Variants in CDC14A observed in about 807,000 individuals in gnomAD.
The protein encoded by CDC14A is dual specificity protein phosphatase CDC14A.
A neutral mutation model predicts 74.4 loss-of-function variants in CDC14A; 53 were observed. The observed-to-expected ratio is 0.71, with a 90% CI of 0.57 to 0.89. CDC14A has a LOEUF of 0.89. Ranked by LOEUF, CDC14A falls within the 40% of genes least tolerant of loss-of-function variation. CDC14A has a pLI of 0.00. For synonymous variants in CDC14A, 247 were observed against 258.4 expected, an observed-to-expected ratio of 0.96 and a Z score of 0.43; for missense variants, 646 against 713.7, an observed-to-expected ratio of 0.91 and a Z score of 1.08.
At chr1:100,387,744 C>T (rs1043298799) in intron 3 of CDC14A, among the ~76,000 whole-genome samples, 2 of 152,100 alleles carry the variant, frequency 1.3e-5, no homozygotes, top group Non-Finnish European at 2.9e-5. Flanking sequence ...AAGTCTTCCT[C>T]AGAGTTCTGT....
At chr1:100,360,101 C>T (rs1340730600) in intron 2 of CDC14A, among the ~76,000 whole-genome samples, 1 of 142,514 alleles carries the variant, frequency 7.0e-6, no homozygotes, top group Middle Eastern at 3.3e-3. Flanking sequence ...CACCACCACA[C>T]CCAGCTATTT....
chr1:100,426,033 A>C (rs541804085), intron 5 of CDC14A, among the ~76,000 whole-genome samples: 1 of 152,314 alleles, frequency 6.6e-6, no homozygotes, highest in East Asian at 1.9e-4. Flanking sequence ...CAAATGAAGT[A>C]ATAAATTTAT....
intron 10 of CDC14A, among the ~76,000 whole-genome samples, chr1:100,476,885 G>A (rs1379338521): frequency 6.6e-6 from 1 of 152,124 alleles, no homozygotes; most frequent in Admixed American, 6.5e-5. Flanking sequence ...AAGTTGATGT[G>A]GGGAGATTAT....
At chr1:100,410,999 T>C (rs994173656) in intron 4 of CDC14A, among the ~76,000 whole-genome samples, 1 of 151,610 alleles carries the variant, frequency 6.6e-6, no homozygotes, top group African/African-American at 2.4e-5. Context: ...AGAACTGCTC[T>C]GGTAGAGCTG....
chr1:100,403,126 G>A (rs907191965), intron 4 of CDC14A, among the ~76,000 whole-genome samples: 2 of 149,858 alleles, frequency 1.3e-5, no homozygotes, highest in African/African-American at 4.9e-5. Flanking sequence ...GGTATCTTAG[G>A]ACAGAGTTTT....
In CDC14A at chr1:100,353,718, C is replaced by T. The variant is rs543616561; in HGVS notation, c.50-44C>T. ...ACCACCCACCTTCACTTCCACTTCT[C>T]TACTTCTCATATGTTTTTTCTGTCT... On this transcript the variant is annotated intron_variant, in intron 1 of 15. Transcript: ENST00000336454. The T allele has an allele frequency of 1.1e-5, 11 of 1,029,530 alleles. No individual in the cohort carries two copies. In the African/African-American group the frequency reaches 1.4e-4, roughly 13 times the overall value. 63.8% of individuals were successfully genotyped at this position (1,029,530 alleles called of 1,614,324 possible).
chr1:100,407,458 T>C (rs777806338), intron 4 of CDC14A, among the ~76,000 whole-genome samples: 11 of 152,210 alleles, frequency 7.2e-5, no homozygotes, highest in Non-Finnish European at 1.2e-4. Context: ...ATTCTTTGTG[T>C]GCTAATTGCG....
At chr1:100,470,838 G>A (rs1312392880) in intron 10 of CDC14A, among the ~76,000 whole-genome samples, 2 of 152,130 alleles carry the variant, frequency 1.3e-5, no homozygotes. Context: ...GAACTCTCAT[G>A]TGTTAACCAA....
At chr1:100,362,491 TTAA>T (rs1652887894) in intron 2 of CDC14A, among the ~76,000 whole-genome samples, 1 of 152,190 alleles carries the variant, frequency 6.6e-6, no homozygotes, top group South Asian at 2.1e-4. Flanking sequence ...TGTCTCTATA[TTAA>T]TAATATTTCG....
intron 11 of CDC14A, among the ~76,000 whole-genome samples, chr1:100,493,683 C>A (rs565735447): frequency 6.6e-6 from 1 of 152,286 alleles, no homozygotes; most frequent in Admixed American, 6.5e-5. Context: ...GTCACTTGCA[C>A]CCATTCTTTA....
At chr1:100,516,115 G>A (rs189652114) in intron 15 of CDC14A, among the ~76,000 whole-genome samples, 1 of 152,340 alleles carries the variant, frequency 6.6e-6, no homozygotes, top group East Asian at 1.9e-4. Flanking sequence ...CTCTGTGGAA[G>A]TAAAGGCTTT....
chr1:100,419,678 G>A (rs1000852276), intron 4 of CDC14A, among the ~76,000 whole-genome samples: 1 of 152,050 alleles, frequency 6.6e-6, no homozygotes, highest in Non-Finnish European at 1.5e-5. Context: ...TCCACATTTG[G>A]TAAATCATAG....
chr1:100,499,068 T>G lies in CDC14A; in HGVS notation c.1561T>G (p.Ser521Ala). The G allele has an allele frequency of 6.2e-7, 1 of 1,614,092 alleles. No homozygotes were observed. The highest frequency in any genetic ancestry group is 8.5e-7 in the Non-Finnish European group (1 of 1,180,020). ...GTTTACCAACCTCTTGAATGGCAGC[T>G]CCCAGCCAACTACCAGAAATTACCC... ...SPFTNLLNGSSQPTTRNYPEL... is the reference protein window; with the variant it reads ...SPFTNLLNGSAQPTTRNYPEL... Residue 521 changes from serine (S) to alanine (A), a missense_variant, in exon 15 of 16, where the codon TCC (serine) becomes GCC (alanine). By Grantham distance (99) the Ser-to-Ala change is moderately conservative (BLOSUM62 1). Transcript: ENST00000336454.
At chr1:100,369,480 T>C (rs1267612275) in intron 2 of CDC14A, among the ~76,000 whole-genome samples, 2 of 152,198 alleles carry the variant, frequency 1.3e-5, no homozygotes, top group African/African-American at 2.4e-5. Context: ...GTTTCTCTGA[T>C]GATTAGTGAT....
chr1:100,381,735 A>G (rs1399005752), intron 3 of CDC14A, among the ~76,000 whole-genome samples: 7 of 152,180 alleles, frequency 4.6e-5, no homozygotes, highest in Admixed American at 2.0e-4. Flanking sequence ...CATCAAACAT[A>G]TGCTTAGATT....
intron 11 of CDC14A, among the ~76,000 whole-genome samples, chr1:100,492,800 A>G (rs1413729469): frequency 1.3e-5 from 2 of 151,828 alleles, no homozygotes; most frequent in Non-Finnish European, 1.5e-5. Flanking sequence ...TCCTGAAGAC[A>G]TTTCTCCCTT....
At chr1:100,460,896 G>A (rs1396185777) in intron 8 of CDC14A, among the ~76,000 whole-genome samples, 1 of 152,182 alleles carries the variant, frequency 6.6e-6, no homozygotes, top group East Asian at 1.9e-4. Flanking sequence ...CTGGTAAAAG[G>A]CAGTTTTTGG....
At position 100,429,439 on chromosome 1, in the gene CDC14A, T is replaced by TATCCC. The variant is rs1663372417; in HGVS notation, c.389+5138_389+5139insATCCC. On this transcript the variant is annotated intron_variant, in intron 5 of 15. Transcript: ENST00000336454. ...ATTCGATGTCTTATCCCTTTAGTTT[T>TATCCC]TTCCTAAAGCTTGGAGAAGAGGCTA... Among the ~76,000 whole-genome samples the TATCCC allele has an allele frequency of 2.7e-5, 4 of 150,888 alleles. No homozygotes were observed. In the South Asian group the frequency reaches 8.3e-4, roughly 31 times the overall value.
intron 2 of CDC14A, among the ~76,000 whole-genome samples, chr1:100,365,270 A>G (rs1383931599): frequency 2.6e-5 from 4 of 152,206 alleles, no homozygotes; most frequent in African/African-American, 9.7e-5. Context: ...CAAAGAGGAG[A>G]CACTCTGAGG....
Sources: allele counts gnomAD v4.1 joint callset (sites outside exome capture counted in the v4.1 genomes callset), GRCh38; gene constraint gnomAD v4.1.1; transcripts MANE v1.5; gene names NCBI Gene and HGNC (gene_info 2026-07-23, HGNC 2026-07-21).